The following ZNF280C variants were observed in gnomAD, a reference collection of about 807,000 sequenced individuals.
ZNF280C encodes the protein suppressor of hairy wing homolog 3.
ZNF280C carries 14 observed loss-of-function variants against 53.6 expected under a neutral mutation model. That is an observed-to-expected ratio of 0.26 (90% CI 0.17 to 0.41). ZNF280C has a LOEUF of 0.41. Ranked by LOEUF, ZNF280C falls within the 10% of genes least tolerant of loss-of-function variation. The pLI is 1.00. For missense variants in ZNF280C, 416 were observed against 547.1 expected, an observed-to-expected ratio of 0.76 and a Z score of 2.39; for synonymous variants, 203 against 181.1, an observed-to-expected ratio of 1.12 and a Z score of -0.97.
intron 9 of ZNF280C, 130 bp downstream of exon 9, chrX:130,230,380 A>G: frequency 2.5e-6 from 1 of 392,701 alleles, no homozygotes; most frequent in South Asian, 8.3e-5. Flanking sequence ...TCAACATGAT[A>G]ATCTGCCACT....
At chrX:130,227,946 C>T (rs1325640045) in intron 10 of ZNF280C, among the ~76,000 whole-genome samples, 164 bp from the exon 11 acceptor site, 2 of 111,952 alleles carry the variant, frequency 1.8e-5, no homozygotes, top group Admixed American at 9.5e-5. Flanking sequence ...GATATATTAG[C>T]TTATTTAATT....
chrX:130,254,638 T>C (rs2032546494), intron 2 of ZNF280C, among the ~76,000 whole-genome samples: 1 of 111,806 alleles, frequency 8.9e-6, no homozygotes. Flanking sequence ...ACCATTATCC[T>C]TAGCAAACTA....
At chrX:130,227,958 T>C (rs1274222794) in intron 10 of ZNF280C, among the ~76,000 whole-genome samples, 176 bp from the exon 11 acceptor site, 1 of 112,222 alleles carries the variant, frequency 8.9e-6, no homozygotes, top group Non-Finnish European at 1.9e-5. Flanking sequence ...TATTTAATTC[T>C]CGTAACATCA....
chrX:130,206,452 C>T (rs796441824), intron 16 of ZNF280C, among the ~76,000 whole-genome samples: 10 of 105,014 alleles, frequency 9.5e-5, no homozygotes, highest in East Asian at 3.0e-4. Flanking sequence ...CTGCAAGCTC[C>T]GCCTCCCGGG....
At chrX:130,228,284 T>C (rs1342991577) in intron 10 of ZNF280C, among the ~76,000 whole-genome samples, 1 of 112,251 alleles carries the variant, frequency 8.9e-6, no homozygotes, top group East Asian at 2.8e-4. Flanking sequence ...AATTATTTTA[T>C]TTTATTTTAT....
intron 2 of ZNF280C, among the ~76,000 whole-genome samples, chrX:130,247,708 T>TG: frequency 9.0e-6 from 1 of 110,586 alleles, no homozygotes; most frequent in East Asian, 2.8e-4. Flanking sequence ...AGCTATTATC[T>TG]GAAAAAAAAA....
intron 9 of ZNF280C, 144 bp from the exon 10 acceptor site, chrX:130,229,278 G>A (rs1267812223): frequency 3.6e-5 from 17 of 476,980 alleles, no homozygotes; most frequent in Non-Finnish European, 4.9e-5. Context: ...ACTCTATAAA[G>A]TGTGTACTTT....
chrX:130,234,858 T>C (rs1008153722), intron 8 of ZNF280C, among the ~76,000 whole-genome samples: 2 of 112,048 alleles, frequency 1.8e-5, no homozygotes, highest in African/African-American at 3.2e-5. Context: ...CCTATATTAA[T>C]AGAAAGCTAG....
intron 15 of ZNF280C, 149 bp from the exon 16 acceptor site, chrX:130,209,864 A>G (rs2124696416): frequency 1.9e-6 from 1 of 519,099 alleles, no homozygotes; most frequent in African/African-American, 2.4e-5. Context: ...GGTTAAAGCT[A>G]TAATCTGAAT....
chrX:130,235,937 C>A (rs189768583), intron 8 of ZNF280C, among the ~76,000 whole-genome samples: 3 of 112,000 alleles, frequency 2.7e-5, no homozygotes, highest in Non-Finnish European at 5.6e-5. Flanking sequence ...TGAGTGACAA[C>A]GTCCATTTGT....
In ZNF280C at chrX:130,242,008, G is replaced by GGGC. The variant is rs34088459; in HGVS notation, c.381+1554_381+1555insGCC. ...TCCACACTTTGGGAAGCCGGGGGGGGGCGGGTGGCAGATCACCTGAGGTCA... is the reference window on the plus strand; with the variant it reads ...TCCACACTTTGGGAAGCCGGGGGGGGGGCGCGGGTGGCAGATCACCTGAGGTCA... On this transcript the variant is annotated intron_variant, in intron 5 of 18. Coordinates refer to ENST00000370978, the MANE Select transcript of ZNF280C (RefSeq NM_017666.5). Among the ~76,000 whole-genome samples the GGGC allele has an allele frequency of 5.2e-4, 47 of 90,719 alleles. 2 individuals carry two copies. The highest frequency in any genetic ancestry group is 1.9e-3 in the African/African-American group (44 of 22,818). The allele number at this position is 90,719 out of a possible 115,157, so 78.8% of individuals were successfully genotyped here.
At chrX:130,255,140 T>G (rs1446063129) in intron 2 of ZNF280C, among the ~76,000 whole-genome samples, 2 of 105,948 alleles carry the variant, frequency 1.9e-5, no homozygotes, top group African/African-American at 3.4e-5. Context: ...TCTTTTTTTT[T>G]CTTTTTTTTT....
chrX:130,229,629 T>C (rs935329285), intron 9 of ZNF280C, among the ~76,000 whole-genome samples: 2 of 112,230 alleles, frequency 1.8e-5, no homozygotes, highest in African/African-American at 3.2e-5. Context: ...ATGCATGCAA[T>C]AGCAATTTTA....
At chrX:130,225,267 A>C (rs1241810305) in intron 12 of ZNF280C, among the ~76,000 whole-genome samples, 2 of 111,170 alleles carry the variant, frequency 1.8e-5, no homozygotes, top group African/African-American at 6.5e-5. Context: ...AGTCAGAGAT[A>C]CTGCTTTATG....
At position 130,220,407 on chromosome X, in the gene ZNF280C, G is replaced by A. The variant is rs766460909; in HGVS notation, c.1469C>T (p.Ala490Val). 2.5e-6 allele frequency: 3 copies of A among 1,202,338 alleles called. No individual in the cohort carries two copies. Among genetic ancestry groups the A allele is most frequent in the East Asian group, 3.0e-5 (1 of 33,515 alleles). Reference protein sequence around the residue: ...LTSKEKAEHKAQHRTFIKPKE... With the variant: ...LTSKEKAEHKVQHRTFIKPKE... The stretch of plus-strand genomic sequence containing the variant: ...AGGCTTTATAAATGTACGATGCTGC[G>A]CCTTATGTTCAGCTTTCTCCTTGCT... Residue 490 changes from alanine to valine, a missense_variant, in exon 13 of 19, where the codon GCG (alanine) becomes GTG (valine). By Grantham distance (64) the Ala-to-Val change is moderately conservative. This residue lies in a region of ZNF280C where 72 missense variants were observed against 168.8 expected (regional missense o/e 0.43). Coordinates refer to ENST00000370978, the MANE Select transcript of ZNF280C (RefSeq NM_017666.5).
chrX:130,238,348 C>G (rs903057320), intron 6 of ZNF280C, among the ~76,000 whole-genome samples: 2 of 111,293 alleles, frequency 1.8e-5, no homozygotes, highest in South Asian at 3.7e-4. Flanking sequence ...AAATGGCTGG[C>G]TCATTTCAGG....
intron 6 of ZNF280C, among the ~76,000 whole-genome samples, chrX:130,238,963 T>C (rs1353552627): frequency 9.0e-6 from 1 of 111,596 alleles, no homozygotes; most frequent in Non-Finnish European, 1.9e-5. Context: ...AATTCCTTTA[T>C]TGGCATACTA....
Position 130,229,154 on chromosome X carries a change from A to C in ZNF280C, c.990-20T>G. 6.8e-6 allele frequency: 8 copies of C among 1,175,296 alleles called. No individual in the cohort carries two copies. The highest frequency in any genetic ancestry group is 8.0e-6 in the Non-Finnish European group (7 of 873,639). Reference sequence around the variant, plus strand: ...ATAAACCTACAAACAATTTGCCAGTAAGAGCAAAAATTCAGACTTATAACC... The same window carrying C: ...ATAAACCTACAAACAATTTGCCAGTCAGAGCAAAAATTCAGACTTATAACC... On this transcript the variant is annotated intron_variant, in intron 9 of 18. Coordinates refer to ENST00000370978, the MANE Select transcript of ZNF280C (RefSeq NM_017666.5).
chrX:130,256,161 C>A (rs967947095), intron 2 of ZNF280C, among the ~76,000 whole-genome samples: 4 of 110,549 alleles, frequency 3.6e-5, no homozygotes, highest in Non-Finnish European at 7.6e-5. Flanking sequence ...GAATAAAGAC[C>A]AGCAATATTA....
Sources: allele counts gnomAD v4.1 joint callset (sites outside exome capture counted in the v4.1 genomes callset), GRCh38; gene constraint gnomAD v4.1.1; regional missense constraint gnomAD v4.1.1; transcripts MANE v1.5; gene names NCBI Gene and HGNC (gene_info 2026-07-23, HGNC 2026-07-21).